Variants in CADPS2 observed in about 807,000 individuals in gnomAD.
CADPS2 encodes calcium dependent secretion activator 2.
CADPS2 carries 93 observed loss-of-function variants against 172.5 expected under a neutral mutation model. The ratio of observed to expected loss-of-function variants is 0.54; its 90% CI spans 0.46 to 0.64. CADPS2 has a LOEUF of 0.64. Ranked by LOEUF, CADPS2 falls within the 30% of genes least tolerant of loss-of-function variation. The pLI is 0.00. For missense variants in CADPS2, 1,420 were observed against 1,565.9 expected, an observed-to-expected ratio of 0.91 and a Z score of 1.57; for synonymous variants, 546 against 555.2, an observed-to-expected ratio of 0.98 and a Z score of 0.23.
intron 6 of CADPS2, among the ~76,000 whole-genome samples, chr7:122,601,188 A>AT (rs1359203503): frequency 6.6e-6 from 1 of 151,784 alleles, no homozygotes; most frequent in East Asian, 1.9e-4. Flanking sequence ...AAAATTCATG[A>AT]TTTTTTTTCA....
chr7:122,420,009 A>T (rs1418146136), intron 17 of CADPS2, among the ~76,000 whole-genome samples: 1 of 152,174 alleles, frequency 6.6e-6, no homozygotes, highest in African/African-American at 2.4e-5. Flanking sequence ...TGCAAATTAG[A>T]TAATCATGAT....
chr7:122,837,019 C>A (rs889561508), intron 1 of CADPS2, among the ~76,000 whole-genome samples: 8 of 152,126 alleles, frequency 5.3e-5, no homozygotes, highest in Non-Finnish European at 7.3e-5. Flanking sequence ...ATTGACCACA[C>A]AGTTGGAAGT....
chr7:122,490,666 A>G (rs1489772692), intron 10 of CADPS2, among the ~76,000 whole-genome samples: 1 of 151,904 alleles, frequency 6.6e-6, no homozygotes, highest in Non-Finnish European at 1.5e-5. Flanking sequence ...TAAGACAAAA[A>G]TGATATTTCA....
rs62482476 is a variant in CADPS2 at position 122,820,811 on chromosome 7, G to A, written c.339+65188C>T. Among the ~76,000 whole-genome samples the A allele has an allele frequency of 4.4e-5, 6 of 137,030 alleles. 1 individual carries two copies. The highest frequency in any genetic ancestry group is 2.4e-4 in the South Asian group (1 of 4,146). 89.9% of individuals were successfully genotyped at this position (137,030 alleles called of 152,430 possible). On this transcript the variant is annotated intron_variant, in intron 1 of 29. Coordinates refer to ENST00000449022, the MANE Select transcript of CADPS2 (RefSeq NM_017954.11). ...CCTGACCTCGTGATCCGCCCGCCTC[G>A]GCCTCCCAAAGTGCTGGGATTACAG...
At position 122,490,205 on chromosome 7, in the gene CADPS2, C is replaced by T. The variant is rs1461955388; in HGVS notation, c.1728G>A (p.Gln576=). Reference sequence around the variant, plus strand: ...TGGCTTGAACCCATAATATTCTGTCCTGTTCATCATCACTGGCAAAGATTA... The same window carrying T: ...TGGCTTGAACCCATAATATTCTGTCTTGTTCATCATCACTGGCAAAGATTA... ...DTVIFASDDE[Q]DRILWVQAMY... is the part of the protein sequence containing the mutation. Residue 576 remains glutamine, a synonymous_variant, in exon 11 of 30, where the codon CAG becomes CAA. Coordinates refer to ENST00000449022, the MANE Select transcript of CADPS2 (RefSeq NM_017954.11). 1 of 1,613,370 alleles carries T rather than the reference C, an allele frequency of 6.2e-7. No individual in the cohort carries two copies. The highest frequency in any genetic ancestry group is 1.7e-5 in the Admixed American group (1 of 59,986).
At chr7:122,484,969 T>C (rs912684116) in intron 11 of CADPS2, among the ~76,000 whole-genome samples, 1 of 143,342 alleles carries the variant, frequency 7.0e-6, no homozygotes, top group African/African-American at 3.0e-5. Flanking sequence ...TCATTATTAG[T>C]AGATCTATCA....
chr7:122,717,185 A>G (rs994151262), intron 2 of CADPS2, among the ~76,000 whole-genome samples: 16 of 152,248 alleles, frequency 1.1e-4, no homozygotes, highest in Middle Eastern at 3.4e-3. Flanking sequence ...TTCACTTGTT[A>G]TAATTGTGAG....
chr7:122,766,193 G>A (rs975981308), intron 1 of CADPS2, among the ~76,000 whole-genome samples: 2 of 151,974 alleles, frequency 1.3e-5, no homozygotes, highest in Non-Finnish European at 2.9e-5. Flanking sequence ...CTAGAGAAAG[G>A]CATAAAAATG....
At chr7:122,779,443 C>T (rs1016038155) in intron 1 of CADPS2, among the ~76,000 whole-genome samples, 5 of 152,098 alleles carry the variant, frequency 3.3e-5, no homozygotes, top group Non-Finnish European at 7.4e-5. Context: ...ACATTTCAAG[C>T]CTCTGCTCAT....
chr7:122,817,456 C>A (rs528561550), intron 1 of CADPS2, among the ~76,000 whole-genome samples: 2 of 152,112 alleles, frequency 1.3e-5, no homozygotes, highest in Admixed American at 6.6e-5. Context: ...GAGACAAAGG[C>A]GACACGTTTT....
intron 8 of CADPS2, among the ~76,000 whole-genome samples, chr7:122,515,692 C>T (rs1431255539): frequency 2.0e-5 from 3 of 152,102 alleles, no homozygotes; most frequent in Non-Finnish European, 2.9e-5. Flanking sequence ...ACACCACAAG[C>T]TACTCAGTGT....
intron 1 of CADPS2, among the ~76,000 whole-genome samples, chr7:122,840,729 A>G (rs115560814): frequency 3.3e-3 from 501 of 152,242 alleles, no homozygotes; most frequent in African/African-American, 0.011. Flanking sequence ...TAGTCTGAGT[A>G]ACACAAGGAG....
At chr7:122,441,711 G>A (rs2051377631) in intron 15 of CADPS2, 136 bp from the exon 16 acceptor site, 1 of 485,000 alleles carries the variant, frequency 2.1e-6, no homozygotes, top group Non-Finnish European at 3.6e-6. Flanking sequence ...AACTCATCCA[G>A]GGAAATTTTA....
chr7:122,485,581 A>C (rs746285578), intron 11 of CADPS2, among the ~76,000 whole-genome samples: 5 of 152,226 alleles, frequency 3.3e-5, no homozygotes, highest in Non-Finnish European at 7.3e-5. Flanking sequence ...ATTAGGGTTA[A>C]GGAAAAGAAG....
chr7:122,707,918 G>T (rs1468962597), intron 2 of CADPS2, among the ~76,000 whole-genome samples: 1 of 151,358 alleles, frequency 6.6e-6, no homozygotes, highest in African/African-American at 2.4e-5. Context: ...GGCATTTCTG[G>T]ATTGTGGCAA....
At chr7:122,328,757 T>C (rs1002760077) in intron 28 of CADPS2, among the ~76,000 whole-genome samples, 4 of 152,208 alleles carry the variant, frequency 2.6e-5, no homozygotes, top group Admixed American at 2.6e-4. Context: ...GGGTTGACTC[T>C]GTGAGACCCC....
In CADPS2 at chr7:122,591,240, C is replaced by T. The variant is rs150429581; in HGVS notation, c.1224-9950G>A. ...ATGAATGAACTCCCACTCACAATTG[C>T]TTCAAAGCGAATAAAATACTTAGGA... On this transcript the variant is annotated intron_variant, in intron 6 of 29. Coordinates refer to ENST00000449022, the MANE Select transcript of CADPS2 (RefSeq NM_017954.11). 4.4e-4 allele frequency among the ~76,000 whole-genome samples: 67 copies of T among 152,138 alleles called. 2 individuals carry two copies. The East Asian group carries it at 0.011, about 26-fold the overall frequency.
intron 28 of CADPS2, among the ~76,000 whole-genome samples, chr7:122,329,887 G>A (rs937603622): frequency 4.6e-5 from 7 of 152,158 alleles, no homozygotes; most frequent in African/African-American, 1.7e-4. Context: ...ATTTTTGTCA[G>A]AATGCGGCTT....
chr7:122,509,139 C>T (rs1309113323), intron 9 of CADPS2, among the ~76,000 whole-genome samples: 4 of 152,178 alleles, frequency 2.6e-5, no homozygotes, highest in Non-Finnish European at 5.9e-5. Context: ...GTGGTAGTTT[C>T]ATTCTCAAGT....
Sources: gnomAD v4.1 joint callset for allele counts (sites outside exome capture counted in the v4.1 genomes callset) on GRCh38, gnomAD v4.1.1 for gene constraint, MANE v1.5 for transcripts, NCBI Gene and HGNC (gene_info 2026-07-23, HGNC 2026-07-21) for gene names.